The following ZFHX3 variants were observed in gnomAD, a reference collection of about 807,000 sequenced individuals.
The protein encoded by ZFHX3 is zinc finger homeobox protein 3.
In ZFHX3, 42 loss-of-function variants were observed where a neutral mutation model predicts 279.1. The ratio of observed to expected loss-of-function variants is 0.15; its 90% confidence interval spans 0.12 to 0.19. The LOEUF (loss-of-function observed/expected upper bound fraction) is 0.19. ZFHX3 is among the 10% of genes least tolerant of loss of function. The pLI, the probability that ZFHX3 is intolerant of heterozygous loss-of-function variation, is 1.00. For missense variants in ZFHX3, 4,981 were observed against 4,754.0 expected, an observed-to-expected ratio of 1.05 and a Z score of -1.40; for synonymous variants, 2,293 against 1,957.8, an observed-to-expected ratio of 1.17 and a Z score of -4.52.
At chr16:73,038,519 G>C (rs747011016) in intron 1 of ZFHX3, among the ~76,000 whole-genome samples, 1 of 152,228 alleles carries the variant, frequency 6.6e-6, no homozygotes, top group South Asian at 2.1e-4. Flanking sequence ...CGCGGCTTCT[G>C]AGCACTGGAC....
At chr16:73,429,010 C>G (rs1229081292) in intron 3 of ZFHX3, among the ~76,000 whole-genome samples, 1 of 152,182 alleles carries the variant, frequency 6.6e-6, no homozygotes, top group Non-Finnish European at 1.5e-5. Context: ...AGGTATGCCA[C>G]TGGCCTGGTT....
intron 3 of ZFHX3, among the ~76,000 whole-genome samples, chr16:72,944,804 G>A (rs1325925243): frequency 6.6e-6 from 1 of 152,094 alleles, no homozygotes; most frequent in Non-Finnish European, 1.5e-5. Context: ...TTCTAAAAGG[G>A]TCTGGTCAGT....
At chr16:73,055,088 C>T (rs777455299) in intron 1 of ZFHX3, among the ~76,000 whole-genome samples, 41 of 148,580 alleles carry the variant, frequency 2.8e-4, no homozygotes, top group Non-Finnish European at 4.9e-4. Context: ...TTTCCTTGTA[C>T]TAACAAATTA....
At chr16:73,684,460 C>G (rs1343462565) in intron 1 of ZFHX3, among the ~76,000 whole-genome samples, 1 of 152,024 alleles carries the variant, frequency 6.6e-6, no homozygotes, top group African/African-American at 2.4e-5. Context: ...CTAGATAACT[C>G]TGAGCATCCT....
At chr16:73,133,100 T>C (rs1330788463) in intron 6 of ZFHX3, among the ~76,000 whole-genome samples, 1 of 152,202 alleles carries the variant, frequency 6.6e-6, no homozygotes, top group Non-Finnish European at 1.5e-5. Flanking sequence ...GTTCTGATGC[T>C]TTTGGTCTAG....
At chr16:73,150,049 A>G (rs546453561) in intron 5 of ZFHX3, among the ~76,000 whole-genome samples, 38 of 152,300 alleles carry the variant, frequency 2.5e-4, no homozygotes, top group South Asian at 8.3e-4. Context: ...ATGACATTCA[A>G]TGATTTCTTG....
chr16:73,040,314 G>C (rs1965065025), intron 1 of ZFHX3, among the ~76,000 whole-genome samples: 1 of 152,036 alleles, frequency 6.6e-6, no homozygotes, highest in African/African-American at 2.4e-5. Flanking sequence ...TGCTGAATGA[G>C]AACAGCCCAG....
intron 1 of ZFHX3, among the ~76,000 whole-genome samples, chr16:73,838,516 C>T (rs578143359): frequency 3.9e-5 from 6 of 152,088 alleles, no homozygotes; most frequent in Non-Finnish European, 7.4e-5. Context: ...TCAATGAATA[C>T]TAATATAGCT....
intron 1 of ZFHX3, among the ~76,000 whole-genome samples, chr16:73,755,334 G>GA (rs1460023277): frequency 2.0e-5 from 3 of 151,884 alleles, no homozygotes; most frequent in East Asian, 1.9e-4. Flanking sequence ...GTAGAAAGAA[G>GA]AAAAAAAAGA....
chr16:72,813,171 A>G (rs1212218226), intron 5 of ZFHX3, among the ~76,000 whole-genome samples: 1 of 152,154 alleles, frequency 6.6e-6, no homozygotes, highest in East Asian at 1.9e-4. Context: ...TTTTGTTTAA[A>G]GCAATAAGAA....
At chr16:73,010,641 A>G (rs568873142) in intron 1 of ZFHX3, among the ~76,000 whole-genome samples, 2 of 151,904 alleles carry the variant, frequency 1.3e-5, no homozygotes, top group Non-Finnish European at 2.9e-5. Flanking sequence ...ACACCTCATA[A>G]AAGGACCGAG....
In ZFHX3 at chr16:73,070,452, C is replaced by G. The variant is rs1965808177; in HGVS notation, c.-532-11440G>C. On this transcript the variant is annotated intron_variant, in intron 8 of 17. Transcript: ENST00000641206. ...TTTTAATCAAAATGTTTCCAAACCC[C>G]TTGAGCTAATTATAAAAGCGAATAG... is the stretch of plus-strand genomic sequence containing the variant. 2.6e-5 allele frequency among the ~76,000 whole-genome samples: 4 copies of G among 152,104 alleles called. No homozygotes were observed. In the South Asian group the frequency reaches 8.3e-4, roughly 32 times the overall value.
intron 4 of ZFHX3, among the ~76,000 whole-genome samples, chr16:72,882,485 ACT>A (rs2038504457): frequency 1.3e-5 from 2 of 152,136 alleles, no homozygotes; most frequent in Admixed American, 1.3e-4. Context: ...AATCACTGCA[ACT>A]CAGGCCACTG....
At chr16:73,454,693 C>A (rs528888190) in intron 3 of ZFHX3, among the ~76,000 whole-genome samples, 3 of 152,074 alleles carry the variant, frequency 2.0e-5, no homozygotes, top group East Asian at 1.9e-4. Flanking sequence ...GTATCACCCC[C>A]CTCTCCCCCA....
intron 4 of ZFHX3, among the ~76,000 whole-genome samples, chr16:73,289,639 C>G (rs1404829247): frequency 6.6e-6 from 1 of 152,056 alleles, no homozygotes; most frequent in African/African-American, 2.4e-5. Context: ...CAAGCAGGAG[C>G]TGCATCATCC....
chr16:73,473,339 C>CAAAAAAAAAAAAAAAAAAACCAAAAAAAA (rs11347779), intron 2 of ZFHX3, among the ~76,000 whole-genome samples: 1 of 76,658 alleles, frequency 1.3e-5, no homozygotes, highest in Non-Finnish European at 2.3e-5. Context: ...TGTCTCAAAG[C>CAAAAAAAAAAAAAAAAAAACCAAAAAAAA]AAAAAAAAAA....
intron 3 of ZFHX3, among the ~76,000 whole-genome samples, chr16:73,429,805 G>A (rs749124303): frequency 1.3e-5 from 2 of 152,166 alleles, no homozygotes; most frequent in Non-Finnish European, 2.9e-5. Flanking sequence ...ACAGCTCCCT[G>A]GGAAAACCAT....
chr16:73,705,297 A>G (rs188709013), intron 1 of ZFHX3, among the ~76,000 whole-genome samples: 2 of 152,294 alleles, frequency 1.3e-5, no homozygotes, highest in East Asian at 3.9e-4. Flanking sequence ...CCATCATTAC[A>G]CAGATTCGCC....
chr16:73,539,363 C>G (rs1176920563), intron 2 of ZFHX3, among the ~76,000 whole-genome samples: 1 of 146,926 alleles, frequency 6.8e-6, no homozygotes, highest in East Asian at 2.1e-4. Context: ...ACCCCCTGAA[C>G]ATTTCTAAAC....
Sources: gnomAD v4.1 joint callset for allele counts (sites outside exome capture counted in the v4.1 genomes callset) on GRCh38, gnomAD v4.1.1 for gene constraint, MANE v1.5 for transcripts, NCBI Gene and HGNC (gene_info 2026-07-23, HGNC 2026-07-21) for gene names.